BORA: variants seen among roughly 807,000 people sequenced by gnomAD.
BORA encodes BORA aurora kinase A activator.
Under a neutral mutation model 55.8 loss-of-function variants are expected in BORA, and 26 were observed. That is an observed-to-expected ratio of 0.47 (90% CI 0.34 to 0.65). The LOEUF (loss-of-function observed/expected upper bound fraction) is 0.65, where lower values mean the gene tolerates loss of function less well. Ranked by LOEUF, BORA falls within the 30% of genes least tolerant of loss-of-function variation. The pLI is 0.01. For synonymous variants in BORA, 201 were observed against 216.9 expected, an observed-to-expected ratio of 0.93 and a Z score of 0.64; for missense variants, 568 against 671.5, an observed-to-expected ratio of 0.85 and a Z score of 1.70.
chr13:72,734,187 TTAAAA>T (rs1386017967), intron 3 of BORA, among the ~76,000 whole-genome samples: 5 of 152,060 alleles, frequency 3.3e-5, no homozygotes, highest in African/African-American at 9.7e-5. Context: ...ACCCCTGAAC[TTAAAA>T]TAAAAGTTAA....
chr13:72,733,892 C>T (rs9543105), intron 3 of BORA, among the ~76,000 whole-genome samples: 16,992 of 152,214 alleles, frequency 0.11, 1,293 homozygotes, highest in Non-Finnish European at 0.17. Flanking sequence ...AGCATGAGAT[C>T]GCGTCCTTTG....
chr13:72,743,651 A>G, intron 6 of BORA, 49 bp downstream of exon 6: 1 of 1,416,822 alleles, frequency 7.1e-7, no homozygotes, highest in Non-Finnish European at 9.8e-7. Flanking sequence ...ATTAAGCTAC[A>G]TTGAATTCTA....
chr13:72,729,062 G>T lies in BORA; in HGVS notation c.122G>T (p.Ser41Ile). The change falls in exon 2 of 12, where the codon AGT (serine) becomes ATT (isoleucine). Residue 41 changes from serine to isoleucine, a missense_variant. Physicochemically the swap from Ser to Ile is moderately radical, Grantham distance 142. Coordinates refer to ENST00000390667, the MANE Select transcript of BORA (RefSeq NM_024808.5). The part of the protein sequence containing the change: ...YSNLHEQTLA[S>I]PSVFKSTKLP... ...AATCTCCATGAACAAACTCTCGCCAGTCCTTCTGTTTTTAAATCAACAAAA... is the reference window on the plus strand; with the variant it reads ...AATCTCCATGAACAAACTCTCGCCATTCCTTCTGTTTTTAAATCAACAAAA... 6.3e-7 allele frequency: 1 copy of T among 1,580,140 alleles called. No individual in the cohort carries two copies. Among genetic ancestry groups the T allele is most frequent in the Non-Finnish European group, 8.6e-7 (1 of 1,169,426 alleles).
At chr13:72,738,508 T>A (rs1017283462) in intron 5 of BORA, among the ~76,000 whole-genome samples, 3 of 152,132 alleles carry the variant, frequency 2.0e-5, no homozygotes, top group Non-Finnish European at 4.4e-5. Context: ...GCAAAATTAA[T>A]AAGGAAATTA....
intron 4 of BORA, among the ~76,000 whole-genome samples, chr13:72,735,433 T>C (rs1270763030): frequency 6.6e-6 from 1 of 152,194 alleles, no homozygotes; most frequent in East Asian, 1.9e-4. Flanking sequence ...AATGGCTTTG[T>C]CTTTTTTTGT....
intron 1 of BORA, 114 bp downstream of exon 1, chr13:72,728,121 G>A: frequency 7.0e-7 from 1 of 1,420,232 alleles, no homozygotes; most frequent in Admixed American, 2.0e-5. Context: ...AGCAGTCAGG[G>A]AGTAGGTGTG....
intron 11 of BORA, chr13:72,754,106 A>G (rs2033365580): frequency 7.7e-6 from 2 of 258,900 alleles, no homozygotes; most frequent in South Asian, 1.4e-4. Context: ...ACTCATCATA[A>G]TTTCAGGCAC....
intron 4 of BORA, among the ~76,000 whole-genome samples, chr13:72,735,269 ATACTG>A (rs1380985423): frequency 6.6e-6 from 1 of 152,158 alleles, no homozygotes; most frequent in Non-Finnish European, 1.5e-5. Context: ...TTTTTGGCCA[ATACTG>A]TACTTCATCC....
At chr13:72,733,948 T>A (rs1034811762) in intron 3 of BORA, among the ~76,000 whole-genome samples, 4 of 152,134 alleles carry the variant, frequency 2.6e-5, no homozygotes, top group Non-Finnish European at 4.4e-5. Context: ...AGCAAACTAA[T>A]ACAGGAACAG....
chr13:72,746,750 C>A lies in BORA; in HGVS notation c.1121C>A (p.Ser374Ter). Reference protein sequence around the residue: ...DKENIPSTDVSSPAMDAAGIH... With the variant: ...DKENIPSTDV ...GAGAATATTCCTTCCACAGATGTCTCATCACCCGCCATGGATGCTGCTGGA... is the reference window on the plus strand; with the variant it reads ...GAGAATATTCCTTCCACAGATGTCTAATCACCCGCCATGGATGCTGCTGGA... Residue 374 changes from serine (S) to a stop codon, truncating the protein, a stop_gained, in exon 10 of 12, where the codon TCA becomes TAA. Coordinates refer to ENST00000390667, the MANE Select transcript of BORA (RefSeq NM_024808.5). LOFTEE classifies it high-confidence loss of function. 6.2e-7 allele frequency: 1 copy of A among 1,614,122 alleles called. No individual in the cohort carries two copies. Among genetic ancestry groups the A allele is most frequent in the Non-Finnish European group, 8.5e-7 (1 of 1,180,010 alleles).
intron 2 of BORA, among the ~76,000 whole-genome samples, chr13:72,730,908 AAATAC>A (rs1289498976): frequency 7.6e-6 from 1 of 131,706 alleles, no homozygotes; most frequent in African/African-American, 2.6e-5. Context: ...AAAAAAAAAA[AAATAC>A]AAAAATTAGC....
At position 72,756,077 on chromosome 13, in the gene BORA, G is replaced by A. The variant is rs2033461183; in HGVS notation, c.*861G>A. ...TTTTTAAAAAACTTATATCCATGTT[G>A]GGAGTAGATGGGTATATAACAGTTT... is the stretch of plus-strand genomic sequence containing the variant. On this transcript the variant is annotated 3_prime_UTR_variant, in exon 12 of 12. Transcript: ENST00000390667. The A allele has an allele frequency of 2.5e-6, 1 of 395,436 alleles. No homozygotes were observed. The highest frequency in any genetic ancestry group is 4.4e-6 in the Non-Finnish European group (1 of 224,754). 24.5% of individuals were successfully genotyped at this position (395,436 alleles called of 1,614,324 possible). A position where few individuals can be genotyped will look rare whatever the true frequency, so the allele number is the denominator to read the frequency against.
intron 2 of BORA, among the ~76,000 whole-genome samples, chr13:72,730,514 A>G (rs2032788711): frequency 6.6e-6 from 1 of 152,214 alleles, no homozygotes; most frequent in Non-Finnish European, 1.5e-5. Context: ...GTTGCCATTC[A>G]TAATTATTTT....
At chr13:72,734,267 A>G (rs1045111642) in intron 3 of BORA, among the ~76,000 whole-genome samples, 1 of 152,188 alleles carries the variant, frequency 6.6e-6, no homozygotes, top group African/African-American at 2.4e-5. Context: ...CAATTTACTG[A>G]TGGAAGGCAA....
In BORA at chr13:72,756,027, G is replaced by C; in HGVS notation, c.*811G>C. The C allele has an allele frequency of 2.5e-6, 1 of 398,490 alleles. No individual in the cohort carries two copies. The allele number at this position is 398,490 out of a possible 1,614,324, so 24.7% of individuals were successfully genotyped here. A position where few individuals can be genotyped will look rare whatever the true frequency, so the allele number is the denominator to read the frequency against. On this transcript the variant is annotated 3_prime_UTR_variant, in exon 12 of 12. Transcript: ENST00000390667. The stretch of plus-strand genomic sequence containing the variant: ...AGGCCTGTGAAGTAACACTGGGGCA[G>C]ATATGTATGTTATATACAACTATTT...
At chr13:72,747,997 A>G (rs2033187782) in intron 10 of BORA, among the ~76,000 whole-genome samples, 1 of 152,182 alleles carries the variant, frequency 6.6e-6, no homozygotes, top group Non-Finnish European at 1.5e-5. Context: ...CACTTTGGAA[A>G]GGCATTTGTT....
At chr13:72,742,001 T>C (rs1167407566) in intron 5 of BORA, among the ~76,000 whole-genome samples, 1 of 152,182 alleles carries the variant, frequency 6.6e-6, no homozygotes, top group Non-Finnish European at 1.5e-5. Flanking sequence ...TTGGATTTTA[T>C]CCTAAAGACT....
At chr13:72,728,440 C>T (rs1593802633) in intron 1 of BORA, among the ~76,000 whole-genome samples, 2 of 152,344 alleles carry the variant, frequency 1.3e-5, no homozygotes, top group East Asian at 3.9e-4. Flanking sequence ...GCAAGAAAGG[C>T]ACAAGCTTCC....
chr13:72,746,728 A>T lies in BORA; in HGVS notation c.1099A>T (p.Asn367Tyr). 6.2e-7 allele frequency: 1 copy of T among 1,614,138 alleles called. No individual in the cohort carries two copies. Among genetic ancestry groups the T allele is most frequent in the Non-Finnish European group, 8.5e-7 (1 of 1,180,000 alleles). The change falls in exon 10 of 12, where the codon AAT (asparagine) becomes TAT (tyrosine). Residue 367 changes from asparagine to tyrosine, a missense_variant. Coordinates refer to ENST00000390667, the MANE Select transcript of BORA (RefSeq NM_024808.5). ...TQGEDEEDKE[N>Y]IPSTDVSSPA... ...AGGTGAAGATGAGGAAGATAAAGAG[A>T]ATATTCCTTCCACAGATGTCTCATC...
Sources: allele counts gnomAD v4.1 joint callset (sites outside exome capture counted in the v4.1 genomes callset), GRCh38; gene constraint gnomAD v4.1.1; transcripts MANE v1.5; gene names NCBI Gene and HGNC (gene_info 2026-07-23, HGNC 2026-07-21).